The following CLK4 variants were observed in gnomAD, a reference collection of about 807,000 sequenced individuals.
The protein encoded by CLK4 is dual specificity protein kinase CLK4.
CLK4 carries 37 observed loss-of-function variants against 64.4 expected under a neutral mutation model. That is an observed-to-expected ratio of 0.57 (90% CI 0.44 to 0.76). The LOEUF (loss-of-function observed/expected upper bound fraction) is 0.76. Among genes scored for constraint, CLK4 ranks in the 30% least tolerant of loss-of-function variants. The pLI, the probability that CLK4 is intolerant of heterozygous loss-of-function variation, is 0.00. For missense variants in CLK4, 457 were observed against 605.1 expected (o/e 0.76, Z 2.57); for synonymous variants, 175 against 191.6 (o/e 0.91, Z 0.72).
rs1332305646 is a variant in CLK4, at chr5:178,602,760, CG to C, written c.*856del. The C allele has an allele frequency of 5.3e-5, 8 of 152,164 alleles. No homozygotes were observed. Among genetic ancestry groups the C allele is most frequent in the Non-Finnish European group, 1.0e-4 (7 of 68,018 alleles). 9.4% of individuals were successfully genotyped at this position (152,164 alleles called of 1,614,324 possible). On this transcript the variant is annotated 3_prime_UTR_variant, in exon 13 of 13. Coordinates refer to ENST00000316308, the MANE Select transcript of CLK4 (RefSeq NM_020666.3). ...CTTTCCAATCAAATCCTCTTTCTCC[CG>C]TAAGAATTATCACAGACATAAATTG...
intron 2 of CLK4, among the ~76,000 whole-genome samples, chr5:178,621,080 A>G (rs1490374902): frequency 6.6e-6 from 1 of 152,196 alleles, no homozygotes; most frequent in African/African-American, 2.4e-5. Context: ...ATGTAGACAA[A>G]TAAGTAAGCT....
chr5:178,612,890 A>C lies in CLK4; in HGVS notation c.827T>G (p.Phe276Cys), dbSNP rs1219420429. 1 of 1,442,138 alleles carries C rather than the reference A, an allele frequency of 6.9e-7. No homozygotes were observed. Among genetic ancestry groups the C allele is most frequent in the South Asian group, 1.2e-5 (1 of 83,102 alleles). The allele number at this position is 1,442,138 out of a possible 1,614,324, so 89.3% of individuals were successfully genotyped here. The change falls in exon 8 of 13, where the codon TTT becomes TGT. Residue 276 changes from phenylalanine to cysteine, a missense_variant and splice_region_variant. Phe to Cys is a radical substitution (Grantham distance 205, BLOSUM62 -2). Coordinates refer to ENST00000316308, the MANE Select transcript of CLK4 (RefSeq NM_020666.3). ...MAYQICQSIN[F>C]LHHNKLTHTD... ...ATGGGTTAATTTATTATGATGTAAA[A>C]CTACAAGAGAACAAAAGCACATTAT...
In CLK4 at chr5:178,623,137, A is replaced by G. The variant is rs866735118; in HGVS notation, c.161+119T>C. On this transcript the variant is annotated intron_variant, in intron 2 of 12. Coordinates refer to ENST00000316308, the MANE Select transcript of CLK4 (RefSeq NM_020666.3). ...TAAAATAAGTACTCAAATATTTTCTAAACGAATATTTGTTGACTGAATTAT... is the reference window on the plus strand; with the variant it reads ...TAAAATAAGTACTCAAATATTTTCTGAACGAATATTTGTTGACTGAATTAT... 9.9e-6 allele frequency: 10 copies of G among 1,005,778 alleles called. No homozygotes were observed. The Middle Eastern group carries it at 1.9e-3, about 196-fold the overall frequency. The allele number at this position is 1,005,778 out of a possible 1,614,324, so 62.3% of individuals were successfully genotyped here.
intron 1 of CLK4, among the ~76,000 whole-genome samples, chr5:178,623,936 A>G (rs1477124655): frequency 1.3e-5 from 2 of 152,254 alleles, no homozygotes; most frequent in African/African-American, 4.8e-5. Context: ...AGGAGAAATA[A>G]TATCAGTGTC....
Position 178,617,461 on chromosome 5 carries a change from G to A in CLK4, c.385-27C>T, listed in dbSNP as rs1323646635. ...TGGAACGGCAAGTGGGCAGCACCAA[G>A]ATCGTCCAGCCAATCAATATATCAG... is the stretch of plus-strand genomic sequence containing the variant. On this transcript the variant is annotated intron_variant, in intron 3 of 12. Coordinates refer to ENST00000316308, the MANE Select transcript of CLK4 (RefSeq NM_020666.3). The surrounding 1 kb of genome is among the most constrained non-coding windows in gnomAD (Gnocchi z 5.2). The A allele has an allele frequency of 6.4e-7, 1 of 1,569,918 alleles. No individual in the cohort carries two copies. The highest frequency in any genetic ancestry group is 1.1e-5 in the South Asian group (1 of 89,936).
At chr5:178,610,870 G>A (rs1167588763) in intron 9 of CLK4, among the ~76,000 whole-genome samples, 3 of 152,084 alleles carry the variant, frequency 2.0e-5, no homozygotes, top group African/African-American at 2.4e-5. Flanking sequence ...TCAGGAGTTC[G>A]AGACCAGCCT....
chr5:178,615,947 T>C (rs928123497), intron 5 of CLK4, among the ~76,000 whole-genome samples: 1 of 152,230 alleles, frequency 6.6e-6, no homozygotes, highest in African/African-American at 2.4e-5. Context: ...AGACATGCTT[T>C]ATTGCCTCTG....
At chr5:178,605,233 T>G in intron 11 of CLK4, 70 bp downstream of exon 11, 3 of 914,084 alleles carry the variant, frequency 3.3e-6, no homozygotes, top group Non-Finnish European at 4.8e-6. Flanking sequence ...TACAACAACG[T>G]TGGGTTTTCT....
chr5:178,612,964 G>A lies in CLK4; in HGVS notation c.827-74C>T, dbSNP rs557775171. The A allele has an allele frequency of 1.4e-4, 104 of 754,560 alleles. No individual in the cohort carries two copies. In the African/African-American group the frequency reaches 1.7e-3, roughly 12 times the overall value. The allele number at this position is 754,560 out of a possible 1,614,324, so 46.7% of individuals were successfully genotyped here. On this transcript the variant is annotated intron_variant, in intron 7 of 12. Transcript: ENST00000316308. ...TGTACTAGGAGGGAAAGGAGGACTG[G>A]CAAAGGATATAGTGGTCAAGAGACG...
intron 2 of CLK4, chr5:178,623,027 A>G (rs551560917): frequency 2.1e-6 from 1 of 481,940 alleles, no homozygotes; most frequent in East Asian, 4.0e-5. Context: ...TTACTGATCA[A>G]CTGTCTCCTA....
rs1005416083 is a variant in CLK4, at chr5:178,621,993, C to T, written c.161+1263G>A. The T allele has an allele frequency of 2.0e-4, 30 of 152,116 alleles. 1 individual carries two copies. Among genetic ancestry groups the T allele is most frequent in the Non-Finnish European group, 1.2e-4 (8 of 67,996 alleles). The allele number at this position is 152,116 out of a possible 1,614,324, so 9.4% of individuals were successfully genotyped here. Reference sequence around the variant, plus strand: ...TCTGGATCATGGTAAACGCTGACCACCAAACACATCTGGTACAAATATCAA... The same window carrying T: ...TCTGGATCATGGTAAACGCTGACCATCAAACACATCTGGTACAAATATCAA... On this transcript the variant is annotated intron_variant, in intron 2 of 12. Coordinates refer to ENST00000316308, the MANE Select transcript of CLK4 (RefSeq NM_020666.3).
intron 8 of CLK4, 93 bp downstream of exon 8, chr5:178,612,703 T>C: frequency 9.4e-7 from 1 of 1,068,664 alleles, no homozygotes; most frequent in Non-Finnish European, 1.4e-6. Context: ...CAGGATATAA[T>C]AAGGCTCAGA....
chr5:178,609,596 T>C (rs1764525418), intron 9 of CLK4, among the ~76,000 whole-genome samples: 1 of 152,032 alleles, frequency 6.6e-6, no homozygotes. Flanking sequence ...GGCAGGAGAA[T>C]GGCTTGAAAC....
At chr5:178,613,869 T>G (rs1384960654) in intron 5 of CLK4, 26 bp from the exon 6 acceptor site, 2 of 1,550,412 alleles carry the variant, frequency 1.3e-6, no homozygotes, top group Admixed American at 1.7e-5. Context: ...AAGATAAAAA[T>G]GATAAATGTA....
At position 178,605,333 on chromosome 5, in the gene CLK4, G is replaced by A; in HGVS notation, c.1184C>T (p.Pro395Leu). 1.3e-6 allele frequency: 2 copies of A among 1,590,224 alleles called. No individual in the cohort carries two copies. Among genetic ancestry groups the A allele is most frequent in the Non-Finnish European group, 1.7e-6 (2 of 1,171,856 alleles). Reference sequence around the variant, plus strand: ...TTTCTGAATCATGTGTTGTGGTATGGGTCCTAATATTCGTTCCATCATTGC... The same window carrying A: ...TTTCTGAATCATGTGTTGTGGTATGAGTCCTAATATTCGTTCCATCATTGC... ...HLAMMERILG[P>L]IPQHMIQKTR... is the part of the protein sequence containing the mutation. The change falls in exon 11 of 13, where the codon CCC (proline) becomes CTC (leucine). Residue 395 changes from proline (P) to leucine (L), a missense_variant. Pro to Leu is a moderately conservative substitution (Grantham distance 98). Coordinates refer to ENST00000316308, the MANE Select transcript of CLK4 (RefSeq NM_020666.3).
chr5:178,622,932 TTACTTAACTTTTTGTGTGTCATC>T, intron 2 of CLK4: 1 of 273,652 alleles, frequency 3.7e-6, no homozygotes. Flanking sequence ...TCTATCACTA[TTACTTAACTTTTTGTGTGTCATC>T]TCCCTAATCA....
intron 2 of CLK4, among the ~76,000 whole-genome samples, chr5:178,621,135 TTATTTCTCA>T (rs1407463154): frequency 6.6e-6 from 1 of 152,164 alleles, no homozygotes; most frequent in East Asian, 1.9e-4. Context: ...CTAAAGAGTA[TTATTTCTCA>T]AAGGACGGTC....
chr5:178,624,106 C>T (rs1037891443), intron 1 of CLK4, among the ~76,000 whole-genome samples: 4 of 152,146 alleles, frequency 2.6e-5, no homozygotes, highest in Non-Finnish European at 5.9e-5. Flanking sequence ...TTCTCTAAAT[C>T]TCAGAATGAC....
At chr5:178,623,459 T>A in intron 1 of CLK4, 43 bp from the exon 2 acceptor site, 1 of 1,490,326 alleles carries the variant, frequency 6.7e-7, no homozygotes, top group Non-Finnish European at 9.0e-7. Flanking sequence ...GTTACAGATG[T>A]GTGATAGGTA....
Sources: allele counts gnomAD v4.1 joint callset (sites outside exome capture counted in the v4.1 genomes callset), GRCh38; gene constraint gnomAD v4.1.1; non-coding constraint Gnocchi (gnomAD v3.1); transcripts MANE v1.5; gene names NCBI Gene and HGNC (gene_info 2026-07-23, HGNC 2026-07-21).